ULK4: variants seen among roughly 807,000 people sequenced by gnomAD.
The protein encoded by ULK4 is unc-51 like kinase 4.
Under a neutral mutation model 160.6 loss-of-function variants are expected in ULK4, and 133 were observed. The observed-to-expected ratio is 0.83, with a 90% CI of 0.72 to 0.96. The LOEUF is 0.96. Ranked by LOEUF, ULK4 falls within the 40% of genes least tolerant of loss-of-function variation. The pLI, the probability that ULK4 is intolerant of heterozygous loss-of-function variation, is 0.00. For synonymous variants in ULK4, 534 were observed against 539.8 expected (o/e 0.99, Z 0.15); for missense variants, 1,580 against 1,499.5 (o/e 1.05, Z -0.89).
chr3:41,808,898 G>A (rs114416450), intron 19 of ULK4, among the ~76,000 whole-genome samples: 3,121 of 152,294 alleles, frequency 0.02, 31 homozygotes, highest in Non-Finnish European at 0.032. Context: ...GCCGGGTGAG[G>A]TGGCTCACAC....
chr3:41,623,733 A>C (rs1357317802), intron 30 of ULK4, among the ~76,000 whole-genome samples: 1 of 152,210 alleles, frequency 6.6e-6, no homozygotes, highest in Non-Finnish European at 1.5e-5. Context: ...GATATAAATC[A>C]AAGGGTATAA....
intron 19 of ULK4, among the ~76,000 whole-genome samples, chr3:41,803,828 T>C (rs2040549671): frequency 6.6e-6 from 1 of 152,256 alleles, no homozygotes; most frequent in South Asian, 2.1e-4. Flanking sequence ...TCATTTTTTA[T>C]GGCTGCATAG....
At chr3:41,733,631 CCAT>C (rs1361968574) in intron 22 of ULK4, among the ~76,000 whole-genome samples, 1 of 150,996 alleles carries the variant, frequency 6.6e-6, no homozygotes, top group East Asian at 1.9e-4. Flanking sequence ...TATATAATTA[CCAT>C]GTTTTCTCCC....
Position 41,345,899 on chromosome 3 carries a change from T to C in ULK4, c.3678+52180A>G, listed in dbSNP as rs745368337. Among the ~76,000 whole-genome samples the C allele has an allele frequency of 3.9e-4, 60 of 152,178 alleles. 1 individual carries two copies. The Middle Eastern group carries it at 0.01, about 26-fold the overall frequency. ...TGGGTAAAGGCTATAAACCAAGACT[T>C]GCATACAGAGCAGGAATTTGCAGGG... On this transcript the variant is annotated intron_variant, in intron 35 of 36. Transcript: ENST00000301831.
At chr3:41,908,396 A>C (rs1402232102) in intron 11 of ULK4, among the ~76,000 whole-genome samples, 1 of 152,188 alleles carries the variant, frequency 6.6e-6, no homozygotes, top group East Asian at 1.9e-4. Context: ...AATGCCTGCC[A>C]TACCGTATGG....
intron 35 of ULK4, among the ~76,000 whole-genome samples, chr3:41,317,061 C>CTTTTTTTTTTTTTTTTTTTTTT (rs1170201981): frequency 4.3e-5 from 4 of 92,140 alleles, no homozygotes; most frequent in African/African-American, 1.9e-4. Context: ...GCAATTACAT[C>CTTTTTTTTTTTTTTTTTTTTTT]TATTTTTTTT....
chr3:41,327,908 T>C (rs990809242), intron 35 of ULK4, among the ~76,000 whole-genome samples: 5 of 152,220 alleles, frequency 3.3e-5, no homozygotes, highest in Non-Finnish European at 7.3e-5. Context: ...CGGAACAGGC[T>C]GTTCCAGTGA....
At chr3:41,903,888 G>T (rs1698458980) in intron 12 of ULK4, among the ~76,000 whole-genome samples, 1 of 151,154 alleles carries the variant, frequency 6.6e-6, no homozygotes, top group African/African-American at 2.4e-5. Flanking sequence ...GACATATGAG[G>T]TTACAATGAA....
chr3:41,380,962 G>T (rs565302299), intron 35 of ULK4, among the ~76,000 whole-genome samples: 223 of 152,074 alleles, frequency 1.5e-3, no homozygotes, highest in Non-Finnish European at 2.5e-3. Context: ...CCTGGAGAAG[G>T]CTCCTTGGTT....
At chr3:41,289,843 G>C (rs2079525991) in intron 35 of ULK4, among the ~76,000 whole-genome samples, 1 of 151,120 alleles carries the variant, frequency 6.6e-6, no homozygotes, top group Non-Finnish European at 1.5e-5. Flanking sequence ...ATGTATGTAT[G>C]TATGTATGTA....
chr3:41,521,310 C>T (rs965615460), intron 32 of ULK4, among the ~76,000 whole-genome samples: 1 of 152,152 alleles, frequency 6.6e-6, no homozygotes. Context: ...TGATTTCCAT[C>T]TCCCAGGTCT....
intron 31 of ULK4, 51 bp downstream of exon 31, chr3:41,615,618 T>C (rs1193168746): frequency 1.3e-6 from 2 of 1,580,160 alleles, no homozygotes; most frequent in African/African-American, 1.3e-5. Flanking sequence ...GTTAAAATCT[T>C]TACAATTTCA....
In ULK4 at chr3:41,566,826, AAC is replaced by A. The variant is rs893428108; in HGVS notation, c.3121-698_3121-697del. ...GAATATTTTTTAAAATTAAGCAATT[AAC>A]ACAGATTATAATTGAAATTATTAAA... On this transcript the variant is annotated intron_variant, in intron 31 of 36. Transcript: ENST00000301831. 1.3e-3 allele frequency among the ~76,000 whole-genome samples: 205 copies of A among 152,328 alleles called. 1 individual carries two copies. Among genetic ancestry groups the A allele is most frequent in the African/African-American group, 4.6e-3 (192 of 41,568 alleles).
intron 30 of ULK4, among the ~76,000 whole-genome samples, chr3:41,620,922 G>A (rs907878769): frequency 1.3e-5 from 2 of 152,116 alleles, no homozygotes; most frequent in Non-Finnish European, 2.9e-5. Context: ...CAAAGTCTCA[G>A]GATATAAAAT....
At chr3:41,760,870 G>A (rs778823428) in intron 21 of ULK4, among the ~76,000 whole-genome samples, 12 of 150,812 alleles carry the variant, frequency 8.0e-5, no homozygotes, top group Non-Finnish European at 1.8e-4. Context: ...CAATGTGTAC[G>A]TGAAAAAATA....
intron 30 of ULK4, among the ~76,000 whole-genome samples, chr3:41,663,167 G>A (rs2035240285): frequency 6.6e-6 from 1 of 151,700 alleles, no homozygotes; most frequent in Non-Finnish European, 1.5e-5. Context: ...GTTGCAGTGA[G>A]CCAAGATCAC....
intron 19 of ULK4, among the ~76,000 whole-genome samples, chr3:41,803,322 T>C (rs1033866909): frequency 3.3e-5 from 5 of 152,088 alleles, no homozygotes; most frequent in Admixed American, 6.6e-5. Context: ...ACATGAAACA[T>C]TACCAAGTTA....
chr3:41,811,059 T>G (rs2040807079), intron 19 of ULK4, among the ~76,000 whole-genome samples: 2 of 150,986 alleles, frequency 1.3e-5, no homozygotes, highest in African/African-American at 4.9e-5. Context: ...AATTTTAAAT[T>G]TTTTTTTTGT....
At position 41,311,829 on chromosome 3, in the gene ULK4, A is replaced by T. The variant is rs552641194; in HGVS notation, c.3679-62255T>A. ...GTGATCCGCCACCTCAGCCTCCCAA[A>T]GTTCTGGGATTACAGGCATGAACCA... is the stretch of plus-strand genomic sequence containing the variant. On this transcript the variant is annotated intron_variant, in intron 35 of 36. Coordinates refer to ENST00000301831, the MANE Select transcript of ULK4 (RefSeq NM_017886.4). 4.6e-5 allele frequency among the ~76,000 whole-genome samples: 7 copies of T among 151,142 alleles called. No homozygotes were observed. In the East Asian group the frequency reaches 1.4e-3, roughly 29 times the overall value.
Sources: gnomAD v4.1 joint callset for allele counts (sites outside exome capture counted in the v4.1 genomes callset) on GRCh38, gnomAD v4.1.1 for gene constraint, MANE v1.5 for transcripts, NCBI Gene and HGNC (gene_info 2026-07-23, HGNC 2026-07-21) for gene names.